The following SNX29 variants were observed in gnomAD, a reference collection of about 807,000 sequenced individuals.
SNX29 encodes sorting nexin 29.
SNX29 carries 78 observed loss-of-function variants against 102.1 expected under a neutral mutation model. The observed-to-expected ratio is 0.76, with a 90% CI of 0.64 to 0.92. The LOEUF (loss-of-function observed/expected upper bound fraction) is 0.92. SNX29 is among the 40% of genes least tolerant of loss of function. SNX29 has a pLI of 0.00. For missense variants in SNX29, 1,280 were observed against 1,061.7 expected, an observed-to-expected ratio of 1.21 and a Z score of -2.86; for synonymous variants, 580 against 414.5, an observed-to-expected ratio of 1.40 and a Z score of -4.85.
chr16:12,388,312 G>A (rs2083405429), intron 16 of SNX29, among the ~76,000 whole-genome samples: 1 of 152,142 alleles, frequency 6.6e-6, no homozygotes, highest in Non-Finnish European at 1.5e-5. Flanking sequence ...ACGGGAAACA[G>A]GTTACTCAAA....
chr16:12,041,706 G>A (rs2049886526), intron 4 of SNX29, among the ~76,000 whole-genome samples: 1 of 152,110 alleles, frequency 6.6e-6, no homozygotes, highest in African/African-American at 2.4e-5. Context: ...GTTTCTCTCT[G>A]CCTGCCTCTT....
chr16:12,418,592 G>T (rs1283075331), intron 18 of SNX29, among the ~76,000 whole-genome samples: 1 of 151,822 alleles, frequency 6.6e-6, no homozygotes, highest in Non-Finnish European at 1.5e-5. Flanking sequence ...TTGGCTCACT[G>T]CAACCTCCAC....
chr16:12,000,742 C>T (rs1278329057), intron 2 of SNX29, among the ~76,000 whole-genome samples: 1 of 152,100 alleles, frequency 6.6e-6, no homozygotes, highest in African/African-American at 2.4e-5. Flanking sequence ...CTACGCAAGC[C>T]TTGAGGCATT....
At chr16:12,528,445 G>A (rs191673523) in intron 20 of SNX29, among the ~76,000 whole-genome samples, 5 of 152,002 alleles carry the variant, frequency 3.3e-5, no homozygotes, top group South Asian at 2.1e-4. Flanking sequence ...GGTGATCCGC[G>A]TACCTCGACC....
intron 3 of SNX29, among the ~76,000 whole-genome samples, chr16:12,027,009 TC>T (rs1024604701): frequency 3.0e-4 from 46 of 152,212 alleles, no homozygotes; most frequent in African/African-American, 1.1e-3. Flanking sequence ...TTTTAACTTT[TC>T]CCCCCTCTGC....
intron 20 of SNX29, among the ~76,000 whole-genome samples, chr16:12,541,492 T>G (rs1430940446): frequency 6.6e-6 from 1 of 152,110 alleles, no homozygotes; most frequent in Admixed American, 6.5e-5. Context: ...GACCCAGACC[T>G]CTGTGATCTG....
intron 14 of SNX29, among the ~76,000 whole-genome samples, chr16:12,219,123 C>T (rs1243195583): frequency 3.9e-5 from 6 of 152,176 alleles, no homozygotes. Flanking sequence ...AAGCTGTCTC[C>T]TTATATCCTG....
intron 20 of SNX29, among the ~76,000 whole-genome samples, chr16:12,561,482 C>G (rs189876805): frequency 1.3e-5 from 2 of 152,110 alleles, no homozygotes; most frequent in Non-Finnish European, 2.9e-5. Flanking sequence ...GAGTATTGAC[C>G]GGCTCGCCAG....
In SNX29 at chr16:12,570,876, T is replaced by C. The variant is rs1474816739; in HGVS notation, c.*2247T>C. 1.7e-4 allele frequency: 39 copies of C among 231,752 alleles called. No homozygotes were observed. Among genetic ancestry groups the C allele is most frequent in the Non-Finnish European group, 2.6e-5 (3 of 117,270 alleles). 14.4% of individuals were successfully genotyped at this position (231,752 alleles called of 1,614,324 possible). A position where few individuals can be genotyped will look rare whatever the true frequency, so the allele number is the denominator to read the frequency against. ...TGGGAGAAACTGCCTCCTACTTTTATAATACTGAATTATTCACAAAAAACC... is the reference window on the plus strand; with the variant it reads ...TGGGAGAAACTGCCTCCTACTTTTACAATACTGAATTATTCACAAAAAACC... On this transcript the variant is annotated 3_prime_UTR_variant, in exon 21 of 21. Transcript: ENST00000566228.
chr16:12,170,502 C>G (rs886960757), intron 13 of SNX29, among the ~76,000 whole-genome samples: 17 of 151,388 alleles, frequency 1.1e-4, no homozygotes, highest in African/African-American at 4.1e-4. Flanking sequence ...TGCTGGTATG[C>G]GTGTATCAGA....
intron 3 of SNX29, among the ~76,000 whole-genome samples, chr16:12,019,581 AATAT>A (rs199652904): frequency 0.024 from 3,579 of 147,702 alleles, 55 homozygotes; most frequent in African/African-American, 0.041. Context: ...TATATATGTA[AATAT>A]ATATATATAG....
chr16:12,158,872 C>G (rs942783724), intron 13 of SNX29, among the ~76,000 whole-genome samples: 2 of 152,190 alleles, frequency 1.3e-5, no homozygotes, highest in African/African-American at 4.8e-5. Flanking sequence ...ACTTCTGTCC[C>G]ACTTTCTCTA....
intron 3 of SNX29, among the ~76,000 whole-genome samples, chr16:12,012,441 TTTTG>T (rs2056685307): frequency 2.0e-5 from 3 of 152,122 alleles, no homozygotes; most frequent in Admixed American, 2.0e-4. Flanking sequence ...AGAGTTTTGC[TTTTG>T]TTGTCCAGGC....
At chr16:12,143,644 G>GT (rs966511633) in intron 13 of SNX29, among the ~76,000 whole-genome samples, 37 of 152,296 alleles carry the variant, frequency 2.4e-4, no homozygotes, top group African/African-American at 8.7e-4. Context: ...AATACCCTGC[G>GT]TAAGTACTGA....
At chr16:12,489,780 C>T (rs2088447745) in intron 19 of SNX29, among the ~76,000 whole-genome samples, 1 of 152,144 alleles carries the variant, frequency 6.6e-6, no homozygotes, top group South Asian at 2.1e-4. Context: ...CCCCCGTTCA[C>T]TTCTCTACTT....
intron 20 of SNX29, among the ~76,000 whole-genome samples, chr16:12,529,858 A>C (rs2076885205): frequency 1.3e-5 from 2 of 152,190 alleles, no homozygotes; most frequent in Non-Finnish European, 2.9e-5. Context: ...CACTGCTAAC[A>C]GGAAGTAGCA....
intron 8 of SNX29, among the ~76,000 whole-genome samples, chr16:12,054,730 A>G (rs560945742): frequency 2.6e-5 from 4 of 152,266 alleles, no homozygotes; most frequent in Non-Finnish European, 4.4e-5. Flanking sequence ...CAGTTCCTCA[A>G]TATAAACCTG....
intron 19 of SNX29, among the ~76,000 whole-genome samples, chr16:12,500,721 A>G (rs1284078555): frequency 6.6e-6 from 1 of 152,236 alleles, no homozygotes; most frequent in Non-Finnish European, 1.5e-5. Context: ...GGATGTGCAG[A>G]TTTCAGGCCC....
At chr16:12,037,403 G>C (rs1467796466) in intron 4 of SNX29, among the ~76,000 whole-genome samples, 1 of 152,150 alleles carries the variant, frequency 6.6e-6, no homozygotes, top group Non-Finnish European at 1.5e-5. Context: ...CCAGGGCTGA[G>C]ACTGGGGTGA....
Sources: gnomAD v4.1 joint callset for allele counts (sites outside exome capture counted in the v4.1 genomes callset) on GRCh38, gnomAD v4.1.1 for gene constraint, MANE v1.5 for transcripts, NCBI Gene and HGNC (gene_info 2026-07-23, HGNC 2026-07-21) for gene names.